Variants in DMD observed in about 807,000 individuals in gnomAD.
The protein encoded by DMD is mutant dystrophin.
In DMD, 63 loss-of-function variants were observed where a neutral mutation model predicts 330.1. That is an observed-to-expected ratio of 0.19 (90% CI 0.16 to 0.24). The LOEUF is 0.24. Ranked by LOEUF, DMD falls within the 10% of genes least tolerant of loss-of-function variation. DMD has a pLI of 1.00. For synonymous variants in DMD, 1,223 were observed against 959.8 expected (o/e 1.27, Z -5.07); for missense variants, 3,344 against 2,684.1 (o/e 1.25, Z -5.43).
chrX:31,240,893 T>C (rs1172700555), intron 63 of DMD, among the ~76,000 whole-genome samples: 1 of 111,652 alleles, frequency 9.0e-6, no homozygotes, highest in Admixed American at 9.5e-5. Flanking sequence ...TTCATCACTA[T>C]GGTCTCCCAA....
At chrX:31,826,716 A>G (rs1262619931) in intron 49 of DMD, among the ~76,000 whole-genome samples, 1 of 112,481 alleles carries the variant, frequency 8.9e-6, no homozygotes, top group African/African-American at 3.2e-5. Context: ...AAGGAAATCA[A>G]ATAAGTACTT....
chrX:32,340,828 T>C (rs1325082020), intron 41 of DMD, among the ~76,000 whole-genome samples: 1 of 112,030 alleles, frequency 8.9e-6, no homozygotes, highest in African/African-American at 3.2e-5. Context: ...TGAAGGATAA[T>C]AGGCTGAAAC....
intron 60 of DMD, among the ~76,000 whole-genome samples, chrX:31,376,761 C>CA (rs2059906060): frequency 8.9e-6 from 1 of 112,121 alleles, no homozygotes; most frequent in Non-Finnish European, 1.9e-5. Flanking sequence ...GATCCTAAGC[C>CA]AGTGGTTGTT....
intron 60 of DMD, among the ~76,000 whole-genome samples, chrX:31,372,759 G>C (rs2059662568): frequency 1.8e-5 from 2 of 111,282 alleles, no homozygotes; most frequent in African/African-American, 6.5e-5. Flanking sequence ...CTGAAAACTG[G>C]CACAAGACAG....
chrX:32,985,745 C>T (rs367635273), intron 2 of DMD, among the ~76,000 whole-genome samples: 1 of 111,742 alleles, frequency 8.9e-6, no homozygotes, highest in South Asian at 3.7e-4. Flanking sequence ...ATGCAGCTGC[C>T]AACACCACAG....
intron 44 of DMD, among the ~76,000 whole-genome samples, chrX:32,144,982 C>G: frequency 9.0e-6 from 1 of 111,494 alleles, no homozygotes; most frequent in Non-Finnish European, 1.9e-5. Flanking sequence ...TGTGGTGAGC[C>G]GAGATCGCAC....
chrX:33,152,822 A>C (rs1435100755), intron 1 of DMD, among the ~76,000 whole-genome samples: 1 of 111,758 alleles, frequency 8.9e-6, no homozygotes, highest in Non-Finnish European at 1.9e-5. Context: ...GAAAACCTAC[A>C]CTTTCTTTTC....
intron 44 of DMD, among the ~76,000 whole-genome samples, chrX:31,986,561 C>T (rs1329542048): frequency 1.8e-5 from 2 of 111,058 alleles, no homozygotes; most frequent in East Asian, 2.9e-4. Flanking sequence ...TACAGGCACA[C>T]ACCACCATGC....
intron 15 of DMD, among the ~76,000 whole-genome samples, chrX:32,569,420 C>A (rs758740714): frequency 3.6e-5 from 4 of 111,775 alleles, no homozygotes; most frequent in Non-Finnish European, 5.6e-5. Context: ...GGAGGTTGAT[C>A]TATTACAGAG....
intron 12 of DMD, among the ~76,000 whole-genome samples, chrX:32,596,317 A>C (rs1014483114): frequency 2.7e-5 from 3 of 110,245 alleles, no homozygotes; most frequent in African/African-American, 9.9e-5. Flanking sequence ...AAAAAAACAA[A>C]TGTATCCTAT....
At chrX:32,828,012 A>G (rs1478036227) in intron 4 of DMD, among the ~76,000 whole-genome samples, 2 of 110,931 alleles carry the variant, frequency 1.8e-5, no homozygotes, top group Non-Finnish European at 3.8e-5. Context: ...CTGTTCATGC[A>G]CTAGTTTGCT....
chrX:32,827,721 C>T (rs1394864207), intron 4 of DMD, among the ~76,000 whole-genome samples: 2 of 104,731 alleles, frequency 1.9e-5, no homozygotes, highest in Non-Finnish European at 3.9e-5. Flanking sequence ...AGTGCAGTGG[C>T]ACGATCTCGG....
intron 16 of DMD, among the ~76,000 whole-genome samples, chrX:32,552,240 G>A (rs1261405505): frequency 1.8e-5 from 2 of 111,691 alleles, no homozygotes; most frequent in Non-Finnish European, 3.8e-5. Context: ...CAAGGATATA[G>A]TAACCAAAAC....
chrX:32,639,666 T>C (rs748395037), intron 11 of DMD, among the ~76,000 whole-genome samples: 4 of 112,129 alleles, frequency 3.6e-5, no homozygotes, highest in Non-Finnish European at 7.5e-5. Flanking sequence ...AAGGAAAGAA[T>C]CAAATGAGAG....
intron 44 of DMD, among the ~76,000 whole-genome samples, chrX:32,039,437 T>C (rs1441132698): frequency 1.8e-5 from 2 of 111,637 alleles, no homozygotes; most frequent in Non-Finnish European, 3.8e-5. Flanking sequence ...ATGCACACTG[T>C]CCGTGAAACA....
At chrX:32,570,558 C>T (rs773975344) in intron 15 of DMD, among the ~76,000 whole-genome samples, 207 of 111,806 alleles carry the variant, frequency 1.9e-3, no homozygotes, top group Non-Finnish European at 3.3e-3. Flanking sequence ...AATGACAGTT[C>T]TCAGTTGCAG....
intron 59 of DMD, among the ~76,000 whole-genome samples, chrX:31,463,647 T>C (rs2066670791): frequency 9.0e-6 from 1 of 111,636 alleles, no homozygotes; most frequent in Non-Finnish European, 1.9e-5. Context: ...AAAATATATA[T>C]TGGCTGTGTG....
Position 32,857,669 on chromosome X carries a change from T to C in DMD, c.94-7849A>G, listed in dbSNP as rs2081693646. On this transcript the variant is annotated intron_variant, in intron 2 of 78. Coordinates refer to ENST00000357033, the MANE Select transcript of DMD (RefSeq NM_004006.3). ...GAAGTCTGTCAGACCAAGAAGTATG[T>C]GCGTGATAAACTGCTGTTTATTCAA... 3.6e-5 allele frequency among the ~76,000 whole-genome samples: 4 copies of C among 111,795 alleles called. No homozygotes were observed. The South Asian group carries it at 1.5e-3, about 41-fold the overall frequency.
At chrX:32,788,393 C>A (rs987923714) in intron 7 of DMD, among the ~76,000 whole-genome samples, 4 of 111,765 alleles carry the variant, frequency 3.6e-5, no homozygotes, top group African/African-American at 1.3e-4. Flanking sequence ...GTTGTCCTAG[C>A]AGCTATATGG....
Sources: gnomAD v4.1 joint callset for allele counts (sites outside exome capture counted in the v4.1 genomes callset) on GRCh38, gnomAD v4.1.1 for gene constraint, MANE v1.5 for transcripts, NCBI Gene and HGNC (gene_info 2026-07-23, HGNC 2026-07-21) for gene names.